Variants in FOXK1 observed in about 807,000 individuals in gnomAD.
FOXK1 encodes forkhead box protein K1.
A neutral mutation model predicts 51.9 loss-of-function variants in FOXK1; 19 were observed. The ratio of observed to expected loss-of-function variants is 0.37; its 90% CI spans 0.26 to 0.54. The LOEUF (loss-of-function observed/expected upper bound fraction) is 0.54. Among genes scored for constraint, FOXK1 ranks in the 20% least tolerant of loss-of-function variants. The probability of loss-of-function intolerance (pLI) is 0.87; values close to 1 mark genes in which losing one functional copy is unlikely to be tolerated. For missense variants in FOXK1, 870 were observed against 1,032.7 expected, an observed-to-expected ratio of 0.84 and a Z score of 2.16; for synonymous variants, 537 against 482.6, an observed-to-expected ratio of 1.11 and a Z score of -1.48.
chr7:4,687,781 A>G (rs1779840009), intron 1 of FOXK1, among the ~76,000 whole-genome samples: 1 of 152,192 alleles, frequency 6.6e-6, no homozygotes. Flanking sequence ...TACAATGAGA[A>G]CAAGACTTCT....
chr7:4,727,921 C>T (rs968804427), intron 1 of FOXK1, among the ~76,000 whole-genome samples: 2 of 152,198 alleles, frequency 1.3e-5, no homozygotes, highest in African/African-American at 4.8e-5. Context: ...GGAGGAAAAG[C>T]GGCCGGTAAA....
At position 4,769,053 on chromosome 7, in the gene FOXK1, TG is replaced by T. The variant is rs1200613248; in HGVS notation, c.*6590del. 6.6e-6 allele frequency: 1 copy of T among 152,178 alleles called. No homozygotes were observed. The highest frequency in any genetic ancestry group is 1.9e-4 in the East Asian group (1 of 5,188). 9.4% of individuals were successfully genotyped at this position (152,178 alleles called of 1,614,324 possible). A position where few individuals can be genotyped will look rare whatever the true frequency, so the allele number is the denominator to read the frequency against. On this transcript the variant is annotated 3_prime_UTR_variant, in exon 9 of 9. Transcript: ENST00000328914. The surrounding 1 kb of genome is among the most constrained non-coding windows in gnomAD (Gnocchi z 4.1). ...AATTGGTGAGGCTTTGGAAATTTTT[TG>T]TTTCTTCTACTCATCCTAATGGCTG...
chr7:4,745,139 G>C lies in FOXK1; in HGVS notation c.746+4116G>C, dbSNP rs1483815298. Among the ~76,000 whole-genome samples the C allele has an allele frequency of 6.6e-6, 1 of 152,216 alleles. No individual in the cohort carries two copies. The highest frequency in any genetic ancestry group is 1.5e-5 in the Non-Finnish European group (1 of 68,030). On this transcript the variant is annotated intron_variant, in intron 2 of 8. Coordinates refer to ENST00000328914, the MANE Select transcript of FOXK1 (RefSeq NM_001037165.2). The surrounding 1 kb of genome is among the most constrained non-coding windows in gnomAD (Gnocchi z 4.3). ...CCCTAACAGATCGGGAGGTGGGAGC[G>C]GGGCCAGGCCAGAAGAGCTGGCTGC...
intron 2 of FOXK1, among the ~76,000 whole-genome samples, chr7:4,752,106 C>T (rs1383440649): frequency 6.6e-6 from 1 of 152,222 alleles, no homozygotes; most frequent in Non-Finnish European, 1.5e-5. Flanking sequence ...GTGTGCATTA[C>T]CACGCCCAGC....
intron 7 of FOXK1, 102 bp downstream of exon 7, chr7:4,759,697 A>T (rs1583213088): frequency 7.5e-7 from 1 of 1,327,482 alleles, no homozygotes; most frequent in Admixed American, 2.5e-5. Flanking sequence ...GGGCTTGAGG[A>T]GGATGATTCT....
rs1442952805 is a variant in FOXK1 at position 4,711,373 on chromosome 7, C to A, written c.560+28505C>A. ...AAGGGCTTCCTGTGAGAGGGTGTGG[C>A]AGTCCGGGGGTGGGTCCCAGCCAGC... On this transcript the variant is annotated intron_variant, in intron 1 of 8. Coordinates refer to ENST00000328914, the MANE Select transcript of FOXK1 (RefSeq NM_001037165.2). This position sits in a 1 kb window ranked among gnomAD's most constrained non-coding sequence, Gnocchi z 6.3. Among the ~76,000 whole-genome samples the A allele has an allele frequency of 6.6e-6, 1 of 152,150 alleles. No homozygotes were observed.
At position 4,731,758 on chromosome 7, in the gene FOXK1, CAAAAAAAAA is replaced by C. The variant is rs374959543; in HGVS notation, c.561-9069_561-9061del. Reference sequence around the variant, plus strand: ...TGGGCAACAAAGCGAAACTCTGCCTCAAAAAAAAAAAAAAAAAAAGAAAACAGAGAGGCC... The same window carrying C: ...TGGGCAACAAAGCGAAACTCTGCCTCAAAAAAAAAAGAAAACAGAGAGGCC... On this transcript the variant is annotated intron_variant, in intron 1 of 8. Coordinates refer to ENST00000328914, the MANE Select transcript of FOXK1 (RefSeq NM_001037165.2). This position sits in a 1 kb window ranked among gnomAD's most constrained non-coding sequence, Gnocchi z 5.3. 7.4e-3 allele frequency among the ~76,000 whole-genome samples: 506 copies of C among 68,680 alleles called. 3 individuals carry two copies. The highest frequency in any genetic ancestry group is 0.02 in the African/African-American group (427 of 21,044). 45.1% of individuals were successfully genotyped at this position (68,680 alleles called of 152,430 possible).
rs946295396 is a variant in FOXK1 at position 4,709,524 on chromosome 7, C to T, written c.560+26656C>T. ...CCCTGCTGGCAGATCGAGGCTGGCC[C>T]GTGACCGGGGCAGGCGGACCTTCTC... On this transcript the variant is annotated intron_variant, in intron 1 of 8. Transcript: ENST00000328914. The surrounding 1 kb of genome is among the most constrained non-coding windows in gnomAD (Gnocchi z 5.6). Among the ~76,000 whole-genome samples, 1 of 152,314 alleles carries T rather than the reference C, an allele frequency of 6.6e-6. No homozygotes were observed. The highest frequency in any genetic ancestry group is 2.1e-4 in the South Asian group (1 of 4,828).
In FOXK1 at chr7:4,731,435, A is replaced by G. The variant is rs565819200; in HGVS notation, c.561-9403A>G. ...TCTTGAGTCTTTCATTTCTTCAAGG[A>G]CATGGTAGCAACATTTAAAGAACCT... On this transcript the variant is annotated intron_variant, in intron 1 of 8. Transcript: ENST00000328914. This position sits in a 1 kb window ranked among gnomAD's most constrained non-coding sequence, Gnocchi z 5.3. Among the ~76,000 whole-genome samples the G allele has an allele frequency of 4.4e-4, 67 of 152,342 alleles. 1 individual carries two copies. In the South Asian group the frequency reaches 0.013, roughly 31 times the overall value.
rs1033931669 is a variant in FOXK1 at position 4,707,967 on chromosome 7, G to A, written c.560+25099G>A. Among the ~76,000 whole-genome samples the A allele has an allele frequency of 6.6e-6, 1 of 152,122 alleles. No homozygotes were observed. Among genetic ancestry groups the A allele is most frequent in the African/African-American group, 2.4e-5 (1 of 41,418 alleles). ...CAAAGTGCTGGGATTACACCCATGA[G>A]CCACTGCGCTCAGCCTGTTTTCACC... On this transcript the variant is annotated intron_variant, in intron 1 of 8. Coordinates refer to ENST00000328914, the MANE Select transcript of FOXK1 (RefSeq NM_001037165.2). The surrounding 1 kb of genome is among the most constrained non-coding windows in gnomAD (Gnocchi z 4.1).
rs770495337 is a variant in FOXK1, at chr7:4,755,410, C to T, written c.1050+27C>T. The T allele has an allele frequency of 2.0e-5, 33 of 1,611,714 alleles. No individual in the cohort carries two copies. The highest frequency in any genetic ancestry group is 1.9e-4 in the South Asian group (17 of 91,012). ...TGAAGCCGAGTCCCCAGGGCCGGAT[C>T]GCCTCTGAAGGCCCTTAGAACATGG... On this transcript the variant is annotated intron_variant, in intron 4 of 8. Transcript: ENST00000328914. This position sits in a 1 kb window ranked among gnomAD's most constrained non-coding sequence, Gnocchi z 6.6.
At chr7:4,690,411 T>G (rs1345843759) in intron 1 of FOXK1, among the ~76,000 whole-genome samples, 4 of 152,258 alleles carry the variant, frequency 2.6e-5, no homozygotes, top group African/African-American at 7.2e-5. Flanking sequence ...GTATCACATA[T>G]ATTTGTTCCA....
In FOXK1 at chr7:4,726,968, G is replaced by A. The variant is rs138615600; in HGVS notation, c.561-13870G>A. Among the ~76,000 whole-genome samples, 954 of 151,752 alleles carry A rather than the reference G, an allele frequency of 6.3e-3. 9 individuals carry two copies. The highest frequency in any genetic ancestry group is 0.022 in the African/African-American group (890 of 41,350). On this transcript the variant is annotated intron_variant, in intron 1 of 8. Coordinates refer to ENST00000328914, the MANE Select transcript of FOXK1 (RefSeq NM_001037165.2). The stretch of plus-strand genomic sequence containing the variant: ...ATTTTAATTTTTTTTTTTTACAAAC[G>A]GGGTCTTGCTCTGTCACCCAGGTTG...
At chr7:4,713,382 C>G (rs145133714) in intron 1 of FOXK1, among the ~76,000 whole-genome samples, 1 of 150,840 alleles carries the variant, frequency 6.6e-6, no homozygotes, top group Non-Finnish European at 1.5e-5. Context: ...GCGGAAAAAA[C>G]GAAGGCAGAG....
chr7:4,691,588 G>A (rs1295298079), intron 1 of FOXK1, among the ~76,000 whole-genome samples: 8 of 151,832 alleles, frequency 5.3e-5, no homozygotes, highest in Non-Finnish European at 8.8e-5. Context: ...CACCCACCTC[G>A]GCCTCCCAAA....
chr7:4,726,594 C>A (rs575117915), intron 1 of FOXK1, among the ~76,000 whole-genome samples: 2 of 151,976 alleles, frequency 1.3e-5, no homozygotes, highest in South Asian at 4.1e-4. Context: ...TGCACTCCAG[C>A]CTGGACGACA....
In FOXK1 at chr7:4,709,063, CA is replaced by C. The variant is rs111595744; in HGVS notation, c.560+26211del. ...CTGGGCAATGAGCGAGACTCTGTCT[CA>C]AAAAAAAAAAAAAAAGAAAAGAAAA... On this transcript the variant is annotated intron_variant, in intron 1 of 8. Transcript: ENST00000328914. The surrounding 1 kb of genome is among the most constrained non-coding windows in gnomAD (Gnocchi z 5.6). Among the ~76,000 whole-genome samples the C allele has an allele frequency of 2.2e-3, 141 of 65,132 alleles. No individual in the cohort carries two copies. The highest frequency in any genetic ancestry group is 3.3e-3 in the East Asian group (6 of 1,806). 42.7% of individuals were successfully genotyped at this position (65,132 alleles called of 152,430 possible). A position where few individuals can be genotyped will look rare whatever the true frequency, so the allele number is the denominator to read the frequency against.
At chr7:4,725,847 A>C (rs1583197439) in intron 1 of FOXK1, among the ~76,000 whole-genome samples, 1 of 152,190 alleles carries the variant, frequency 6.6e-6, no homozygotes, top group East Asian at 1.9e-4. Flanking sequence ...CCAGGGGCAC[A>C]TGTGCTGGGC....
At chr7:4,700,873 G>A (rs962026858) in intron 1 of FOXK1, among the ~76,000 whole-genome samples, 1 of 152,190 alleles carries the variant, frequency 6.6e-6, no homozygotes, top group African/African-American at 2.4e-5. Flanking sequence ...AGTGCTGATA[G>A]ATAAACATCC....
Sources: gnomAD v4.1 joint callset for allele counts (sites outside exome capture counted in the v4.1 genomes callset) on GRCh38, gnomAD v4.1.1 for gene constraint, Gnocchi (gnomAD v3.1) non-coding constraint, MANE v1.5 for transcripts, NCBI Gene and HGNC (gene_info 2026-07-23, HGNC 2026-07-21) for gene names.